SDCCAG8: variants seen among roughly 807,000 people sequenced by gnomAD.
SDCCAG8 encodes the protein serologically defined colon cancer antigen 8.
Under a neutral mutation model 101.8 loss-of-function variants are expected in SDCCAG8, and 74 were observed. That is an observed-to-expected ratio of 0.73 (90% CI 0.60 to 0.88). The LOEUF is 0.88. Among genes scored for constraint, SDCCAG8 ranks in the 40% least tolerant of loss-of-function variants. The pLI is 0.00. For missense variants in SDCCAG8, 787 were observed against 822.6 expected, an observed-to-expected ratio of 0.96 and a Z score of 0.53; for synonymous variants, 281 against 292.9, an observed-to-expected ratio of 0.96 and a Z score of 0.41.
At chr1:243,468,221 GTTT>G (rs777469574) in intron 16 of SDCCAG8, among the ~76,000 whole-genome samples, 3 of 141,198 alleles carry the variant, frequency 2.1e-5, no homozygotes, top group African/African-American at 5.2e-5. Flanking sequence ...TTCTTCAAAG[GTTT>G]TTTTTTTTTT....
At chr1:243,391,712 C>A (rs767142434) in intron 13 of SDCCAG8, among the ~76,000 whole-genome samples, 7 of 152,232 alleles carry the variant, frequency 4.6e-5, no homozygotes, top group Non-Finnish European at 8.8e-5. Context: ...GAAGCCTATT[C>A]CTGACCAGGA....
In SDCCAG8 at chr1:243,378,584, T is replaced by A. The variant is rs1009736992; in HGVS notation, c.1474-137T>A. ...TTGGATGTGCTAATTCCTTTTGTCATAAAATGGAAGCTAGCCTAAATTTTC... is the reference window on the plus strand; with the variant it reads ...TTGGATGTGCTAATTCCTTTTGTCAAAAAATGGAAGCTAGCCTAAATTTTC... On this transcript the variant is annotated intron_variant, in intron 12 of 17. Transcript: ENST00000366541. 6 of 892,376 alleles carry A rather than the reference T, an allele frequency of 6.7e-6. No homozygotes were observed. In the Admixed American group the frequency reaches 9.1e-5, roughly 14 times the overall value. 55.3% of individuals were successfully genotyped at this position (892,376 alleles called of 1,614,324 possible).
intron 10 of SDCCAG8, among the ~76,000 whole-genome samples, chr1:243,335,273 T>TG (rs918614968): frequency 2.0e-5 from 3 of 152,046 alleles, no homozygotes; most frequent in African/African-American, 7.2e-5. Flanking sequence ...ACGCAGAGTA[T>TG]GGGGGAAGGA....
chr1:243,310,591 C>T (rs987898454), intron 8 of SDCCAG8, among the ~76,000 whole-genome samples: 2 of 151,808 alleles, frequency 1.3e-5, no homozygotes, highest in African/African-American at 4.8e-5. Flanking sequence ...GGTTATAGTC[C>T]TAAGGATGAC....
intron 2 of SDCCAG8, 61 bp downstream of exon 2, chr1:243,270,318 A>G: frequency 7.1e-7 from 1 of 1,410,320 alleles, no homozygotes; most frequent in Non-Finnish European, 1.0e-6. Flanking sequence ...AACTCCGTAG[A>G]ATAATAACTC....
chr1:243,264,546 G>A (rs12122573), intron 1 of SDCCAG8, among the ~76,000 whole-genome samples: 14,028 of 152,088 alleles, frequency 0.092, 835 homozygotes, highest in Non-Finnish European at 0.13. Flanking sequence ...CCTGGGAGGC[G>A]GAGGTTGCAG....
intron 12 of SDCCAG8, among the ~76,000 whole-genome samples, chr1:243,371,644 T>C (rs2147883342): frequency 6.6e-6 from 1 of 152,266 alleles, no homozygotes; most frequent in South Asian, 2.1e-4. Context: ...CTGCATCTGC[T>C]ACAGTGAAGA....
At position 243,416,916 on chromosome 1, in the gene SDCCAG8, T is replaced by C. The variant is rs1253364444; in HGVS notation, c.1745-1052T>C. On this transcript the variant is annotated intron_variant, in intron 14 of 17. Coordinates refer to ENST00000366541, the MANE Select transcript of SDCCAG8 (RefSeq NM_006642.5). The surrounding 1 kb of genome is among the most constrained non-coding windows in gnomAD (Gnocchi z 4.3). ...GCTTTTTGCCAATCATTGGCTAAAATTGAAAAGAAATAAAGGCCTCTTAAA... is the reference window on the plus strand; with the variant it reads ...GCTTTTTGCCAATCATTGGCTAAAACTGAAAAGAAATAAAGGCCTCTTAAA... 6.6e-6 allele frequency among the ~76,000 whole-genome samples: 1 copy of C among 152,196 alleles called. No homozygotes were observed. The highest frequency in any genetic ancestry group is 1.5e-5 in the Non-Finnish European group (1 of 68,012).
At chr1:243,436,255 G>T (rs1298160674) in intron 16 of SDCCAG8, among the ~76,000 whole-genome samples, 1 of 151,688 alleles carries the variant, frequency 6.6e-6, no homozygotes, top group Non-Finnish European at 1.5e-5. Context: ...GTCCCGAGCG[G>T]GTTGCCCCAA....
intron 16 of SDCCAG8, among the ~76,000 whole-genome samples, chr1:243,461,903 C>T (rs564313698): frequency 2.0e-5 from 3 of 152,218 alleles, no homozygotes; most frequent in Admixed American, 6.5e-5. Context: ...AGGTCTTTTC[C>T]GAGCCCAAAT....
In SDCCAG8 at chr1:243,316,839, A is replaced by G. The variant is rs1273356500; in HGVS notation, c.1014A>G (p.Glu338=). Residue 338 remains glutamate, a synonymous_variant, in exon 9 of 18, where the codon GAA becomes GAG. Coordinates refer to ENST00000366541, the MANE Select transcript of SDCCAG8 (RefSeq NM_006642.5). ...DTQQREASAY[E]QVKQVLQISE... The stretch of plus-strand genomic sequence containing the variant: ...AGCAAAGAGAAGCAAGTGCTTATGA[A>G]CAGGTGAAACAAGTTTTGCAAATAT... The G allele has an allele frequency of 5.0e-6, 8 of 1,614,248 alleles. No homozygotes were observed. The highest frequency in any genetic ancestry group is 1.7e-5 in the Admixed American group (1 of 60,030).
chr1:243,287,358 G>A (rs2069726084), intron 5 of SDCCAG8, among the ~76,000 whole-genome samples: 1 of 151,482 alleles, frequency 6.6e-6, no homozygotes, highest in African/African-American at 2.4e-5. Context: ...CAGCTGTTAA[G>A]AAAACATGAA....
At chr1:243,447,248 CAAAAAAAAA>C (rs397830130) in intron 16 of SDCCAG8, among the ~76,000 whole-genome samples, 3 of 41,380 alleles carry the variant, frequency 7.2e-5, no homozygotes, top group African/African-American at 2.5e-4. Context: ...GACTTCGTCT[CAAAAAAAAA>C]AAAAAAAAAA....
At chr1:243,317,186 A>G (rs138591252) in intron 9 of SDCCAG8, among the ~76,000 whole-genome samples, 6 of 152,340 alleles carry the variant, frequency 3.9e-5, no homozygotes, top group Non-Finnish European at 7.3e-5. Flanking sequence ...CAATGCTGCA[A>G]AAATCTTAAC....
rs569639148 is a variant in SDCCAG8 at position 243,385,712 on chromosome 1, G to A, written c.1616+6849G>A. Among the ~76,000 whole-genome samples, 3 of 152,240 alleles carry A rather than the reference G, an allele frequency of 2.0e-5. No homozygotes were observed. In the East Asian group the frequency reaches 5.8e-4, roughly 29 times the overall value. ...AGGCCGGGCACGGTGGCTCATGCCT[G>A]TAATCCCAGCACTTTGGGAGGCCGA... is the stretch of plus-strand genomic sequence containing the variant. On this transcript the variant is annotated intron_variant, in intron 13 of 17. Coordinates refer to ENST00000366541, the MANE Select transcript of SDCCAG8 (RefSeq NM_006642.5).
chr1:243,487,903 C>CT (rs1665362223), intron 16 of SDCCAG8: 1 of 152,616 alleles, frequency 6.6e-6, no homozygotes, highest in African/African-American at 2.4e-5. Context: ...AGGGTCAGGG[C>CT]TGGGGGCTCG....
At chr1:243,337,164 C>T (rs1266266066) in intron 10 of SDCCAG8, among the ~76,000 whole-genome samples, 1 of 152,132 alleles carries the variant, frequency 6.6e-6, no homozygotes, top group Non-Finnish European at 1.5e-5. Context: ...ATCTTCAATT[C>T]ATCTAGGGTC....
At chr1:243,417,884 C>G in intron 14 of SDCCAG8, 84 bp from the exon 15 acceptor site, 1 of 959,294 alleles carries the variant, frequency 1.0e-6, no homozygotes, top group African/African-American at 1.6e-5. Context: ...GGGGTCTAAG[C>G]ACTTTACCAC....
chr1:243,313,910 C>CT (rs1458752139), intron 8 of SDCCAG8, among the ~76,000 whole-genome samples: 4 of 152,048 alleles, frequency 2.6e-5, no homozygotes, highest in Non-Finnish European at 5.9e-5. Flanking sequence ...GATAAGTGGG[C>CT]TAAAAAATGA....
Sources: gnomAD v4.1 joint callset for allele counts (sites outside exome capture counted in the v4.1 genomes callset) on GRCh38, gnomAD v4.1.1 for gene constraint, Gnocchi (gnomAD v3.1) non-coding constraint, MANE v1.5 for transcripts, NCBI Gene and HGNC (gene_info 2026-07-23, HGNC 2026-07-21) for gene names.